TAF1: variants seen among roughly 807,000 people sequenced by gnomAD.
TAF1 encodes the protein transcription initiation factor TFIID subunit 1.
A neutral mutation model predicts 138.5 loss-of-function variants in TAF1; 2 were observed. The observed-to-expected ratio is 0.01, with a 90% CI of 0.01 to 0.05. The LOEUF (loss-of-function observed/expected upper bound fraction) is 0.05, where lower values mean the gene tolerates loss of function less well. Ranked by LOEUF, TAF1 falls within the 10% of genes least tolerant of loss-of-function variation. The pLI is 1.00. For missense variants in TAF1, 709 were observed against 1,478.0 expected, an observed-to-expected ratio of 0.48 and a Z score of 8.53; for synonymous variants, 437 against 503.2, an observed-to-expected ratio of 0.87 and a Z score of 1.76.
At chrX:71,453,785 C>G (rs1394424760) in intron 32 of TAF1, among the ~76,000 whole-genome samples, 7 of 111,333 alleles carry the variant, frequency 6.3e-5, no homozygotes, top group African/African-American at 1.6e-4. Flanking sequence ...GGGCGGATCA[C>G]TTAAGGCCAG....
At chrX:71,452,769 C>A (rs1474193545) in intron 32 of TAF1, among the ~76,000 whole-genome samples, 2 of 111,984 alleles carry the variant, frequency 1.8e-5, no homozygotes, top group African/African-American at 6.5e-5. Flanking sequence ...AGCCTGGGCA[C>A]CATTGAGCAC....
Position 71,530,187 on chromosome X carries a change from C to T in TAF1, c.*649C>T, listed in dbSNP as rs202077580. On this transcript the variant is annotated 3_prime_UTR_variant and NMD_transcript_variant, in exon 15 of 15. Coordinates refer to the TAF1 transcript ENST00000373775. ...AATCAGTTTCTTCTTTACTTTTATT[C>T]AGGTTACAAGATTTCTGGAAGGTTT... is the stretch of plus-strand genomic sequence containing the variant. 4.7e-3 allele frequency: 590 copies of T among 126,654 alleles called. 3 individuals carry two copies. The highest frequency in any genetic ancestry group is 0.018 in the African/African-American group (567 of 30,882). 10.4% of individuals were successfully genotyped at this position (126,654 alleles called of 1,213,427 possible). A position where few individuals can be genotyped will look rare whatever the true frequency, so the allele number is the denominator to read the frequency against.
chrX:71,421,811 C>T (rs1447215985), intron 29 of TAF1, among the ~76,000 whole-genome samples: 1 of 112,130 alleles, frequency 8.9e-6, no homozygotes, highest in Non-Finnish European at 1.9e-5. Flanking sequence ...ATTCCCTCTT[C>T]TTACTGAAAA....
chrX:71,495,834 G>A (rs992713592), intron 13 of TAF1, among the ~76,000 whole-genome samples: 1 of 111,955 alleles, frequency 8.9e-6, no homozygotes, highest in Non-Finnish European at 1.9e-5. Context: ...TGAGCTTTGA[G>A]GGGCACTGAT....
At chrX:71,513,594 G>A (rs1485888065) in intron 13 of TAF1, among the ~76,000 whole-genome samples, 2 of 111,427 alleles carry the variant, frequency 1.8e-5, no homozygotes, top group Non-Finnish European at 3.8e-5. Context: ...GGTTAAGAAA[G>A]GTTGAGGCCA....
intron 13 of TAF1, among the ~76,000 whole-genome samples, chrX:71,483,151 C>CTTTTTTTTTT (rs35875629): frequency 2.7e-5 from 2 of 74,936 alleles, no homozygotes; most frequent in Non-Finnish European, 5.1e-5. Flanking sequence ...TTTTTCTTTT[C>CTTTTTTTTTT]TTTTTTTTTT....
Position 71,378,230 on chromosome X carries a change from T to TA in TAF1, c.934-4dup. 1 of 1,210,470 alleles carries TA rather than the reference T, an allele frequency of 8.3e-7. No homozygotes were observed. The highest frequency in any genetic ancestry group is 1.1e-6 in the Non-Finnish European group (1 of 894,356). ...TCCCTGCTCTACTTCTTTCTTCTGTTACAGATCACGATGATGGCTCCTGTG... is the reference window on the plus strand; with the variant it reads ...TCCCTGCTCTACTTCTTTCTTCTGTTAACAGATCACGATGATGGCTCCTGTG... On this transcript the variant is annotated splice_polypyrimidine_tract_variant and splice_region_variant and intron_variant, in intron 6 of 37. Transcript: ENST00000423759.
chrX:71,450,939 A>G (rs1211295063), intron 32 of TAF1, among the ~76,000 whole-genome samples: 1 of 112,204 alleles, frequency 8.9e-6, no homozygotes, highest in South Asian at 3.7e-4. Context: ...TCTAAGAGGA[A>G]CAGCTGCTAC....
chrX:71,494,531 C>G lies in TAF1; in HGVS notation c.1366+33728C>G, dbSNP rs940818622. Among the ~76,000 whole-genome samples the G allele has an allele frequency of 5.3e-5, 6 of 112,475 alleles. No individual in the cohort carries two copies. In the East Asian group the frequency reaches 1.1e-3, roughly 21 times the overall value. ...ATTTTATGTGTGGCCCAAGACAATT[C>G]TTCTTCCAGTGTGGCCCAGGGAAGC... On this transcript the variant is annotated intron_variant and NMD_transcript_variant, in intron 13 of 14. Coordinates refer to the TAF1 transcript ENST00000373775.
chrX:71,515,198 G>A (rs1023215297), intron 13 of TAF1, among the ~76,000 whole-genome samples: 2 of 111,737 alleles, frequency 1.8e-5, no homozygotes, highest in Non-Finnish European at 3.8e-5. Flanking sequence ...TGGCAGTGGA[G>A]TTGGAGGATG....
chrX:71,510,558 G>T (rs1435409902), intron 13 of TAF1, among the ~76,000 whole-genome samples: 1 of 111,949 alleles, frequency 8.9e-6, no homozygotes, highest in Non-Finnish European at 1.9e-5. Flanking sequence ...GTAGAGAATA[G>T]AAGAGTTTGG....
At chrX:71,500,538 G>A (rs868448878) in intron 13 of TAF1, among the ~76,000 whole-genome samples, 7 of 42,024 alleles carry the variant, frequency 1.7e-4, no homozygotes, top group Admixed American at 5.4e-4. Flanking sequence ...CCCCCACCCC[G>A]CCCCCACCCC....
chrX:71,488,956 A>G (rs923602394), intron 13 of TAF1, among the ~76,000 whole-genome samples: 2 of 109,132 alleles, frequency 1.8e-5, no homozygotes, highest in Non-Finnish European at 3.8e-5. Flanking sequence ...GATCCTAGCT[A>G]CTCAGGAGGC....
rs747108850 is a variant in TAF1 at position 71,420,616 on chromosome X, C to G, written c.4385-693C>G. ...TTAGCTTCTCAGCTTCTTCCTCCAT[C>G]TCCCTAACTCGAGCTTTGATAGCTT... is the stretch of plus-strand genomic sequence containing the variant. On this transcript the variant is annotated intron_variant, in intron 28 of 37. Coordinates refer to ENST00000423759, the MANE Select transcript of TAF1 (RefSeq NM_004606.5). The G allele has an allele frequency of 1.2e-4, 149 of 1,207,124 alleles. No individual in the cohort carries two copies. The Admixed American group carries it at 3.2e-3, about 26-fold the overall frequency.
At chrX:71,452,550 G>A (rs1164767603) in intron 32 of TAF1, among the ~76,000 whole-genome samples, 1 of 109,500 alleles carries the variant, frequency 9.1e-6, no homozygotes, top group African/African-American at 3.3e-5. Context: ...GATGGCGGCC[G>A]GGTAGAGACG....
At chrX:71,384,294 TCTA>T (rs2034080163) in intron 13 of TAF1, among the ~76,000 whole-genome samples, 159 bp downstream of exon 13, 1 of 112,095 alleles carries the variant, frequency 8.9e-6, no homozygotes, top group Middle Eastern at 4.2e-3. Flanking sequence ...TAGTTAGAGA[TCTA>T]CTGGTAATCT....
intron 7 of TAF1, 105 bp downstream of exon 7, chrX:71,378,558 T>C: frequency 2.1e-6 from 2 of 973,710 alleles, no homozygotes; most frequent in Non-Finnish European, 2.8e-6. Context: ...AGGGTTTCTT[T>C]GGTGGGAGAT....
At chrX:71,409,073 C>T (rs187094776) in intron 28 of TAF1, among the ~76,000 whole-genome samples, 62 of 110,371 alleles carry the variant, frequency 5.6e-4, no homozygotes, top group East Asian at 4.0e-3. Flanking sequence ...GTAGAGTATG[C>T]GCTTGTGACC....
chrX:71,528,028 G>T, intron 13 of TAF1: 1 of 173,227 alleles, frequency 5.8e-6, no homozygotes. Context: ...CTATTTTCCA[G>T]AGTCCCTGGT....
Sources: gnomAD v4.1 joint callset for allele counts (sites outside exome capture counted in the v4.1 genomes callset) on GRCh38, gnomAD v4.1.1 for gene constraint, MANE v1.5 for transcripts, NCBI Gene and HGNC (gene_info 2026-07-23, HGNC 2026-07-21) for gene names.